The following PRKCA variants were observed in gnomAD, a reference collection of about 807,000 sequenced individuals.
The protein encoded by PRKCA is protein kinase C alpha, also known as protein kinase C alpha type.
In PRKCA, 27 loss-of-function variants were observed where a neutral mutation model predicts 87.0. The observed-to-expected ratio is 0.31, with a 90% confidence interval of 0.23 to 0.43. The LOEUF (loss-of-function observed/expected upper bound fraction) is 0.43, where lower values mean the gene tolerates loss of function less well. Ranked by LOEUF, PRKCA falls within the 20% of genes least tolerant of loss-of-function variation. The probability of loss-of-function intolerance (pLI) is 1.00; values close to 1 mark genes in which losing one functional copy is unlikely to be tolerated. For missense variants in PRKCA, 518 were observed against 852.3 expected, an observed-to-expected ratio of 0.61 and a Z score of 4.88; for synonymous variants, 329 against 311.1, an observed-to-expected ratio of 1.06 and a Z score of -0.61.
At chr17:66,725,788 C>T (rs557987173) in intron 8 of PRKCA, among the ~76,000 whole-genome samples, 43 of 147,630 alleles carry the variant, frequency 2.9e-4, no homozygotes, top group African/African-American at 9.0e-4. Context: ...CCAGCCTGGG[C>T]GACAGAGTGA....
At chr17:66,501,729 C>T (rs1916740131) in intron 3 of PRKCA, among the ~76,000 whole-genome samples, 1 of 152,196 alleles carries the variant, frequency 6.6e-6, no homozygotes. Flanking sequence ...TAAAATAAGA[C>T]AAAAGTGCTC....
intron 3 of PRKCA, among the ~76,000 whole-genome samples, chr17:66,589,910 G>A (rs1314221978): frequency 6.6e-6 from 1 of 152,164 alleles, no homozygotes; most frequent in East Asian, 1.9e-4. Context: ...TTCTCAGAAG[G>A]AGGGCATAGC....
At chr17:66,411,321 C>G (rs1911790694) in intron 2 of PRKCA, among the ~76,000 whole-genome samples, 1 of 151,498 alleles carries the variant, frequency 6.6e-6, no homozygotes, top group African/African-American at 2.4e-5. Context: ...AGGATCCTGC[C>G]AAAGTGCTGG....
intron 3 of PRKCA, among the ~76,000 whole-genome samples, chr17:66,553,914 T>C (rs535518573): frequency 1.1e-4 from 16 of 151,948 alleles, no homozygotes; most frequent in Non-Finnish European, 2.4e-4. Context: ...TCCTTGAAAG[T>C]ACAGTGTTGA....
chr17:66,490,545 C>T (rs1224093234), intron 2 of PRKCA, among the ~76,000 whole-genome samples: 7 of 151,674 alleles, frequency 4.6e-5, no homozygotes, highest in Non-Finnish European at 7.4e-5. Flanking sequence ...GGGGTTTCAC[C>T]GTGTTAGCCA....
chr17:66,366,526 A>C (rs1281286860), intron 2 of PRKCA, among the ~76,000 whole-genome samples: 1 of 152,190 alleles, frequency 6.6e-6, no homozygotes. Context: ...AAGAGATCTT[A>C]ATTGACCTAT....
At chr17:66,332,841 G>A (rs1400820150) in intron 2 of PRKCA, among the ~76,000 whole-genome samples, 2 of 151,834 alleles carry the variant, frequency 1.3e-5, no homozygotes, top group Non-Finnish European at 2.9e-5. Flanking sequence ...ACAGGTGCCC[G>A]CCACCACGCC....
intron 2 of PRKCA, among the ~76,000 whole-genome samples, chr17:66,418,259 A>G (rs1461172413): frequency 3.9e-5 from 6 of 152,192 alleles, no homozygotes; most frequent in Non-Finnish European, 7.3e-5. Flanking sequence ...TAGTAAATGT[A>G]TATATGCATA....
intron 2 of PRKCA, among the ~76,000 whole-genome samples, chr17:66,476,699 C>T (rs536775339): frequency 6.6e-6 from 1 of 152,194 alleles, no homozygotes; most frequent in Non-Finnish European, 1.5e-5. Flanking sequence ...CTTGCCTGTT[C>T]TTCTAATCAT....
At chr17:66,487,041 C>T (rs1916017197) in intron 2 of PRKCA, among the ~76,000 whole-genome samples, 1 of 152,184 alleles carries the variant, frequency 6.6e-6, no homozygotes, top group Non-Finnish European at 1.5e-5. Context: ...GTGTTGGGAA[C>T]ATTACAGATC....
intron 12 of PRKCA, 152 bp downstream of exon 12, chr17:66,741,873 T>C (rs1248365884): frequency 1.5e-6 from 1 of 651,930 alleles, no homozygotes; most frequent in Non-Finnish European, 2.5e-6. Context: ...CTCCTCACCC[T>C]GGAGGCAAAT....
chr17:66,351,379 T>A (rs190254583), intron 2 of PRKCA, among the ~76,000 whole-genome samples: 1 of 152,206 alleles, frequency 6.6e-6, no homozygotes, highest in South Asian at 2.1e-4. Context: ...CCTGGCATTG[T>A]GTTGGTTCCT....
intron 3 of PRKCA, among the ~76,000 whole-genome samples, chr17:66,558,352 G>A (rs920227388): frequency 5.3e-5 from 8 of 152,162 alleles, no homozygotes; most frequent in Non-Finnish European, 8.8e-5. Context: ...CTATGTAGGC[G>A]AAAAACAAGG....
intron 2 of PRKCA, among the ~76,000 whole-genome samples, chr17:66,314,474 A>AT (rs1202500632): frequency 3.9e-5 from 6 of 152,208 alleles, no homozygotes; most frequent in Non-Finnish European, 8.8e-5. Flanking sequence ...GAAGGGAATG[A>AT]TTTGATTAAT....
At chr17:66,547,819 G>T (rs1297694325) in intron 3 of PRKCA, among the ~76,000 whole-genome samples, 1 of 152,138 alleles carries the variant, frequency 6.6e-6, no homozygotes, top group Admixed American at 6.6e-5. Context: ...ATAATTATTT[G>T]CAAGCAAAGA....
At chr17:66,696,487 C>T (rs1972925998) in intron 8 of PRKCA, 1 of 152,164 alleles carries the variant, frequency 6.6e-6, no homozygotes, top group Non-Finnish European at 1.5e-5. Flanking sequence ...AGTTCACTTA[C>T]GTAAGTTGCT....
chr17:66,377,719 A>T (rs1408422281), intron 2 of PRKCA, among the ~76,000 whole-genome samples: 3,932 of 36,906 alleles, frequency 0.11, 258 homozygotes, highest in African/African-American at 0.17. Flanking sequence ...ATATATATAT[A>T]TATTTTTTTT....
At chr17:66,417,350 C>T (rs1187862968) in intron 2 of PRKCA, among the ~76,000 whole-genome samples, 3 of 152,082 alleles carry the variant, frequency 2.0e-5, no homozygotes, top group African/African-American at 7.2e-5. Flanking sequence ...CTAGTGTGAA[C>T]TTTGGTCCCT....
intron 8 of PRKCA, among the ~76,000 whole-genome samples, chr17:66,728,528 AG>A (rs1973810804): frequency 6.6e-6 from 1 of 152,246 alleles, no homozygotes; most frequent in African/African-American, 2.4e-5. Flanking sequence ...TTGAGACCTG[AG>A]GCCAAGGTCA....
Sources: allele counts gnomAD v4.1 joint callset (sites outside exome capture counted in the v4.1 genomes callset), GRCh38; gene constraint gnomAD v4.1.1; transcripts MANE v1.5; gene names NCBI Gene and HGNC (gene_info 2026-07-23, HGNC 2026-07-21).